The following RNF213 variants were observed in gnomAD, a reference collection of about 807,000 sequenced individuals.
RNF213 encodes the protein E3 ubiquitin-protein ligase RNF213.
Under a neutral mutation model 514.4 loss-of-function variants are expected in RNF213, and 341 were observed. That is an observed-to-expected ratio of 0.66 (90% CI 0.61 to 0.73). The LOEUF (loss-of-function observed/expected upper bound fraction) is 0.73, where lower values mean the gene tolerates loss of function less well. Among genes scored for constraint, RNF213 ranks in the 30% least tolerant of loss-of-function variants. The probability of loss-of-function intolerance (pLI) is 0.00; values close to 1 mark genes in which losing one functional copy is unlikely to be tolerated. For missense variants in RNF213, 5,767 were observed against 6,615.6 expected (o/e 0.87, Z 4.45); for synonymous variants, 2,655 against 2,658.2 (o/e 1.00, Z 0.04).
At position 80,340,191 on chromosome 17, in the gene RNF213, G is replaced by A; in HGVS notation, c.5824G>A (p.Ala1942Thr). The A allele has an allele frequency of 4.3e-6, 7 of 1,613,992 alleles. No individual in the cohort carries two copies. The highest frequency in any genetic ancestry group is 5.9e-6 in the Non-Finnish European group (7 of 1,179,990). The change falls in exon 26 of 68, where the codon GCC (alanine) becomes ACC (threonine). Residue 1942 changes from alanine (A) to threonine (T), a missense_variant. Physicochemically the swap from Ala to Thr is moderately conservative, Grantham distance 58. Coordinates refer to ENST00000582970, the MANE Select transcript of RNF213 (RefSeq NM_001256071.3). ...CTGGGAGCACTGCTACCTCCCCTCT[G>A]CCTTCAGCCAGCACAAGGTCTTCGT... The part of the protein sequence containing the change: ...GDWEHCYLPS[A>T]FSQHKVFVTP...
At chr17:80,380,637 G>A (rs763631636) in intron 55 of RNF213, among the ~76,000 whole-genome samples, 194 bp from the exon 56 acceptor site, 4 of 152,152 alleles carry the variant, frequency 2.6e-5, no homozygotes, top group East Asian at 1.9e-4. Context: ...GAATGCGGTC[G>A]GGTCTGGTCC....
rs2046443128 is a variant in RNF213, at chr17:80,332,485, A to G, written c.3997A>G (p.Arg1333Gly). The G allele has an allele frequency of 4.6e-6, 7 of 1,537,170 alleles. No homozygotes were observed. The highest frequency in any genetic ancestry group is 6.1e-6 in the Non-Finnish European group (7 of 1,146,848). The change falls in exon 21 of 68, where the codon AGA (arginine) becomes GGA (glycine). Residue 1333 changes from arginine (R) to glycine (G), a missense_variant. Transcript: ENST00000582970. ...IMCTVDHQDQ[R>G]DWIKDRVEQI... ...GTGCACCGTGGACCACCAGGACCAAAGAGATTGGATCAAGGACCGAGTCGA... is the reference window on the plus strand; with the variant it reads ...GTGCACCGTGGACCACCAGGACCAAGGAGATTGGATCAAGGACCGAGTCGA...
chr17:80,372,125 G>A lies in RNF213; in HGVS notation c.12537+140G>A, dbSNP rs757359936. ...AGAAAAGAAGAAAGGTTTCAAAGAC[G>A]CGGCTTCTGCCTTCAGCAACGTATA... is the stretch of plus-strand genomic sequence containing the variant. On this transcript the variant is annotated intron_variant, in intron 47 of 67. Coordinates refer to ENST00000582970, the MANE Select transcript of RNF213 (RefSeq NM_001256071.3). 8.6e-5 allele frequency: 59 copies of A among 684,154 alleles called. 1 individual carries two copies. The highest frequency in any genetic ancestry group is 4.2e-5 in the Non-Finnish European group (16 of 382,048). The allele number at this position is 684,154 out of a possible 1,614,324, so 42.4% of individuals were successfully genotyped here.
rs1457724416 is a variant in RNF213, at chr17:80,333,083, C to CT, written c.4143+453dup. 2.0e-5 allele frequency among the ~76,000 whole-genome samples: 3 copies of CT among 151,234 alleles called. No individual in the cohort carries two copies. In the South Asian group the frequency reaches 6.2e-4, roughly 31 times the overall value. On this transcript the variant is annotated intron_variant, in intron 21 of 67. Transcript: ENST00000582970. ...TTTTTTTTTGAGATGGAGTCTCGCTCTGTCGTCCAGGCTGGAGTGCAGTGG... is the reference window on the plus strand; with the variant it reads ...TTTTTTTTTGAGATGGAGTCTCGCTCTTGTCGTCCAGGCTGGAGTGCAGTGG...
At chr17:80,285,641 C>T (rs945639095) in intron 3 of RNF213, among the ~76,000 whole-genome samples, 4 of 152,112 alleles carry the variant, frequency 2.6e-5, no homozygotes, top group Non-Finnish European at 5.9e-5. Context: ...GCCCCAGCCC[C>T]AGACTCTTCT....
intron 3 of RNF213, among the ~76,000 whole-genome samples, chr17:80,278,241 C>T (rs1299853875): frequency 6.7e-6 from 1 of 150,160 alleles, no homozygotes; most frequent in East Asian, 1.9e-4. Flanking sequence ...CCCGGCGATG[C>T]CCGGTGTGGT....
intron 3 of RNF213, among the ~76,000 whole-genome samples, chr17:80,275,968 T>TTTTTTTC (rs957225261): frequency 2.6e-5 from 4 of 151,528 alleles, no homozygotes; most frequent in African/African-American, 7.3e-5. Context: ...GGCCAGTTTT[T>TTTTTTTC]TTTTTTCTTT....
At position 80,381,335 on chromosome 17, in the gene RNF213, C is replaced by G. The variant is rs921130077; in HGVS notation, c.13798-212C>G. 10 of 639,154 alleles carry G rather than the reference C, an allele frequency of 1.6e-5. 1 individual carries two copies. Among genetic ancestry groups the G allele is most frequent in the South Asian group, 5.2e-5 (3 of 57,422 alleles). The allele number at this position is 639,154 out of a possible 1,614,324, so 39.6% of individuals were successfully genotyped here. A position where few individuals can be genotyped will look rare whatever the true frequency, so the allele number is the denominator to read the frequency against. On this transcript the variant is annotated intron_variant, in intron 56 of 67. Transcript: ENST00000582970. ...TAACCAAGATGGCCAACAGTACAAT[C>G]TGGATATTCTTTATCTCACTGTAAC...
chr17:80,262,060 CCAGTGTAG>C lies in RNF213; in HGVS notation c.-109+1161_-109+1168del, dbSNP rs1369865917. 5.9e-4 allele frequency among the ~76,000 whole-genome samples: 90 copies of C among 152,164 alleles called. 1 individual carries two copies. Among genetic ancestry groups the C allele is most frequent in the African/African-American group, 2.1e-3 (89 of 41,502 alleles). On this transcript the variant is annotated intron_variant, in intron 1 of 67. Coordinates refer to ENST00000582970, the MANE Select transcript of RNF213 (RefSeq NM_001256071.3). The stretch of plus-strand genomic sequence containing the variant: ...TTCGAGTTTTCTGGTCTGTGGTTCC[CCAGTGTAG>C]CATTGGAGAAGGAAACACTTCGGGT...
intron 54 of RNF213, among the ~76,000 whole-genome samples, chr17:80,379,002 C>T (rs1020874984): frequency 2.0e-4 from 31 of 152,064 alleles, no homozygotes; most frequent in Non-Finnish European, 3.5e-4. Flanking sequence ...GTTGAAACCC[C>T]GTCTCTACAA....
In RNF213 at chr17:80,346,297, C is replaced by T. The variant is rs754832963; in HGVS notation, c.7962C>T (p.His2654=). The T allele has an allele frequency of 5.0e-6, 8 of 1,614,128 alleles. No individual in the cohort carries two copies. The South Asian group carries it at 8.8e-5, about 18-fold the overall frequency. ...AAGTTTTCAGGTGGTTCCACGAGCA[C>T]AGCGCGATGCTCTTAGCGCAGCTGA... is the stretch of plus-strand genomic sequence containing the variant. The part of the protein sequence containing the change: ...CVKVFRWFHE[H]SAMLLAQLNA... Residue 2654 remains histidine (H), a synonymous_variant, in exon 29 of 68, where the codon CAC becomes CAT. Coordinates refer to ENST00000582970, the MANE Select transcript of RNF213 (RefSeq NM_001256071.3). The surrounding 1 kb of genome is among the most constrained non-coding windows in gnomAD (Gnocchi z 8.1).
At position 80,336,349 on chromosome 17, in the gene RNF213, G is replaced by C; in HGVS notation, c.4498G>C (p.Asp1500His). Residue 1500 changes from aspartate to histidine, a missense_variant, in exon 23 of 68, where the codon GAT becomes CAT. Transcript: ENST00000582970. ...TCTGAAAAAGCTGTGGAAGGCTCTGGATAAGGACCAGTACCTGCCCAGGAA... is the reference window on the plus strand; with the variant it reads ...TCTGAAAAAGCTGTGGAAGGCTCTGCATAAGGACCAGTACCTGCCCAGGAA... The part of the protein sequence containing the change: ...KHLKKLWKAL[D>H]KDQYLPRKLC... The C allele has an allele frequency of 6.5e-7, 1 of 1,537,238 alleles. No homozygotes were observed. Among genetic ancestry groups the C allele is most frequent in the Admixed American group, 2.0e-5 (1 of 50,984 alleles).
chr17:80,277,651 G>A (rs1354037529), intron 3 of RNF213, among the ~76,000 whole-genome samples: 1 of 148,580 alleles, frequency 6.7e-6, no homozygotes, highest in South Asian at 2.1e-4. Context: ...CATGAGAGAA[G>A]TTCAGAGTGA....
intron 1 of RNF213, among the ~76,000 whole-genome samples, chr17:80,261,318 G>T (rs2145050412): frequency 6.6e-6 from 1 of 152,374 alleles, no homozygotes; most frequent in Non-Finnish European, 1.5e-5. Flanking sequence ...GGCAACAACG[G>T]AAAAGTGAAG....
chr17:80,361,631 C>T, intron 38 of RNF213, 103 bp from the exon 39 acceptor site: 2 of 1,318,942 alleles, frequency 1.5e-6, no homozygotes, highest in Non-Finnish European at 2.2e-6. Context: ...AGCTCCCATT[C>T]AACAAGGCGT....
Position 80,343,321 on chromosome 17 carries a change from C to T in RNF213, c.6179C>T (p.Ser2060Phe), listed in dbSNP as rs199793046. Residue 2060 changes from serine (S) to phenylalanine (F), a missense_variant, in exon 27 of 68, where the codon TCC becomes TTC. By Grantham distance (155) the Ser-to-Phe change is radical. This residue lies in a region of RNF213 where 1,377 missense variants were observed against 1,635.2 expected (regional missense o/e 0.84). Coordinates refer to ENST00000582970, the MANE Select transcript of RNF213 (RefSeq NM_001256071.3). This position sits in a 1 kb window ranked among gnomAD's most constrained non-coding sequence, Gnocchi z 4.3. ...VPVLFHLDVT[S>F]SVQTGIWVFL... ...GTGCTCTTTCACCTGGACGTGACCT[C>T]CTCAGTAAGTGCCCTCCAGCGTCAG... 314 of 1,611,440 alleles carry T rather than the reference C, an allele frequency of 1.9e-4. No homozygotes were observed. Among genetic ancestry groups the T allele is most frequent in the Non-Finnish European group, 2.6e-4 (303 of 1,179,410 alleles).
rs2044620906 is a variant in RNF213, at chr17:80,289,703, A to T, written c.978A>T (p.Glu326Asp). The change falls in exon 6 of 68, where the codon GAA becomes GAT. Residue 326 changes from glutamate (E) to aspartate (D), a missense_variant. Transcript: ENST00000582970. ...KTKDEMAAAE[E>D]KVGKNEQGEP... is the part of the protein sequence containing the mutation. ...AGGACGAGATGGCTGCTGCTGAAGA[A>T]AAAGTCGGTAAGAATGAACAAGGGG... 6.2e-7 allele frequency: 1 copy of T among 1,614,044 alleles called. No individual in the cohort carries two copies.
In RNF213 at chr17:80,384,925, A is replaced by G. The variant is rs146866316; in HGVS notation, c.14323-114A>G. The G allele has an allele frequency of 2.6e-3, 2,928 of 1,115,344 alleles. 7 individuals are homozygous for G. Among genetic ancestry groups the G allele is most frequent in the Non-Finnish European group, 3.6e-3 (2,677 of 743,286 alleles). 69.1% of individuals were successfully genotyped at this position (1,115,344 alleles called of 1,614,324 possible). A position where few individuals can be genotyped will look rare whatever the true frequency, so the allele number is the denominator to read the frequency against. Reference sequence around the variant, plus strand: ...TCCACGCTGCATCACAGGAAATGACACTGACCAGATTAAGCTACAAATACA... The same window carrying G: ...TCCACGCTGCATCACAGGAAATGACGCTGACCAGATTAAGCTACAAATACA... On this transcript the variant is annotated intron_variant, in intron 59 of 67. Transcript: ENST00000582970.
chr17:80,382,849 G>C (rs941417322), intron 57 of RNF213, 130 bp from the exon 58 acceptor site: 1 of 685,522 alleles, frequency 1.5e-6, no homozygotes, highest in Admixed American at 2.2e-5. Flanking sequence ...AAAATACTTA[G>C]ATTAATTTAG....
Sources: gnomAD v4.1 joint callset for allele counts (sites outside exome capture counted in the v4.1 genomes callset) on GRCh38, gnomAD v4.1.1 for gene constraint, gnomAD v4.1.1 regional missense constraint, Gnocchi (gnomAD v3.1) non-coding constraint, MANE v1.5 for transcripts, NCBI Gene and HGNC (gene_info 2026-07-23, HGNC 2026-07-21) for gene names.